The following DLGAP1 variants were observed in gnomAD, a reference collection of about 807,000 sequenced individuals.
DLGAP1 encodes disks large-associated protein 1.
In DLGAP1, 11 loss-of-function variants were observed where a neutral mutation model predicts 90.8. The ratio of observed to expected loss-of-function variants is 0.12; its 90% CI spans 0.08 to 0.20. The LOEUF is 0.20. Ranked by LOEUF, DLGAP1 falls within the 10% of genes least tolerant of loss-of-function variation. The pLI is 1.00. For missense variants in DLGAP1, 1,050 were observed against 1,333.8 expected, an observed-to-expected ratio of 0.79 and a Z score of 3.31; for synonymous variants, 558 against 540.7, an observed-to-expected ratio of 1.03 and a Z score of -0.44.
intron 1 of DLGAP1, among the ~76,000 whole-genome samples, chr18:4,310,972 T>A (rs2080384771): frequency 6.6e-6 from 1 of 152,206 alleles, no homozygotes; most frequent in Non-Finnish European, 1.5e-5. Context: ...CTGCTGGGTT[T>A]GATTCTTTCA....
intron 1 of DLGAP1, among the ~76,000 whole-genome samples, chr18:4,197,797 G>T (rs1393760494): frequency 6.6e-6 from 1 of 152,178 alleles, no homozygotes; most frequent in African/African-American, 2.4e-5. Flanking sequence ...CCCCGTGAAT[G>T]TTAGAGATGA....
chr18:3,601,337 C>T (rs1374984378), intron 7 of DLGAP1, among the ~76,000 whole-genome samples: 1 of 151,972 alleles, frequency 6.6e-6, no homozygotes, highest in Non-Finnish European at 1.5e-5. Context: ...CCACCCGCCT[C>T]GGCCTCCCAA....
chr18:3,963,354 T>C (rs865837566), intron 3 of DLGAP1, among the ~76,000 whole-genome samples: 1 of 152,134 alleles, frequency 6.6e-6, no homozygotes, highest in South Asian at 2.1e-4. Context: ...GAGAGCACAG[T>C]TGCTGGGCCT....
chr18:3,776,211 G>A (rs2064932511), intron 5 of DLGAP1, among the ~76,000 whole-genome samples: 1 of 152,158 alleles, frequency 6.6e-6, no homozygotes, highest in Admixed American at 6.5e-5. Context: ...TTCAGAAAGG[G>A]ACTATAGATC....
At position 4,269,333 on chromosome 18, in the gene DLGAP1, CAT is replaced by C. The variant is rs66677805; in HGVS notation, c.-266-118048_-266-118047del. On this transcript the variant is annotated intron_variant, in intron 1 of 12. Coordinates refer to ENST00000315677, the MANE Select transcript of DLGAP1 (RefSeq NM_004746.4). ...TAATATTCATATTATTTTATATATA[CAT>C]ATATATATATATATATATATTTTTT... 6.2e-3 allele frequency among the ~76,000 whole-genome samples: 860 copies of C among 139,714 alleles called. 8 individuals are homozygous for C. Among genetic ancestry groups the C allele is most frequent in the South Asian group, 0.04 (179 of 4,502 alleles). 91.7% of individuals were successfully genotyped at this position (139,714 alleles called of 152,430 possible). A position where few individuals can be genotyped will look rare whatever the true frequency, so the allele number is the denominator to read the frequency against.
chr18:4,339,538 A>G (rs921904175), intron 1 of DLGAP1, among the ~76,000 whole-genome samples: 6 of 152,162 alleles, frequency 3.9e-5, no homozygotes, highest in African/African-American at 9.7e-5. Flanking sequence ...AACTGAGGCC[A>G]CTTATCAATT....
chr18:4,444,889 G>A (rs1210488854), intron 1 of DLGAP1, among the ~76,000 whole-genome samples: 1 of 152,150 alleles, frequency 6.6e-6, no homozygotes. Flanking sequence ...TTATTTTTCA[G>A]ATGAGAAAAC....
chr18:4,152,363 T>G (rs2076689048), intron 1 of DLGAP1, among the ~76,000 whole-genome samples: 1 of 152,176 alleles, frequency 6.6e-6, no homozygotes, highest in Non-Finnish European at 1.5e-5. Context: ...AGAATTATAG[T>G]GCTTAAATGA....
chr18:3,656,988 C>T (rs547903230), intron 7 of DLGAP1, among the ~76,000 whole-genome samples: 56 of 152,108 alleles, frequency 3.7e-4, no homozygotes, highest in South Asian at 8.3e-4. Flanking sequence ...CCTTGTGATC[C>T]GCCCGCCTCA....
At chr18:3,940,624 G>A (rs1159753407) in intron 3 of DLGAP1, among the ~76,000 whole-genome samples, 1 of 152,136 alleles carries the variant, frequency 6.6e-6, no homozygotes, top group Non-Finnish European at 1.5e-5. Flanking sequence ...TAACCACCTA[G>A]TTCAGGTAAA....
intron 3 of DLGAP1, among the ~76,000 whole-genome samples, chr18:3,968,698 C>T (rs1429480919): frequency 6.6e-6 from 1 of 152,032 alleles, no homozygotes; most frequent in East Asian, 1.9e-4. Context: ...TTATTTAGAA[C>T]AAGTGGAGGT....
chr18:4,424,573 T>C lies in DLGAP1; in HGVS notation c.-267+30433A>G, dbSNP rs77810045. ...TTTCAAGGATAAAATTAGTCATTTA[T>C]ATCACAGTCTCTTAAAATTCGTTTT... On this transcript the variant is annotated intron_variant, in intron 1 of 12. Transcript: ENST00000315677. 2.3e-3 allele frequency among the ~76,000 whole-genome samples: 351 copies of C among 152,318 alleles called. 2 individuals carry two copies. In the East Asian group the frequency reaches 0.035, roughly 15 times the overall value.
rs189630987 is a variant in DLGAP1 at position 4,022,184 on chromosome 18, T to C, written c.-158-16983A>G. ...AATGTTCAGAAAACTTTTTTAAACATAGACTTTAGATAAGAAAATTTAAGA... is the reference window on the plus strand; with the variant it reads ...AATGTTCAGAAAACTTTTTTAAACACAGACTTTAGATAAGAAAATTTAAGA... On this transcript the variant is annotated intron_variant, in intron 2 of 12. Coordinates refer to ENST00000315677, the MANE Select transcript of DLGAP1 (RefSeq NM_004746.4). Among the ~76,000 whole-genome samples the C allele has an allele frequency of 3.4e-4, 51 of 152,222 alleles. No homozygotes were observed. The East Asian group carries it at 9.7e-3, about 29-fold the overall frequency.
intron 1 of DLGAP1, among the ~76,000 whole-genome samples, chr18:4,398,090 G>A (rs1171297357): frequency 6.6e-6 from 1 of 152,092 alleles, no homozygotes; most frequent in African/African-American, 2.4e-5. Context: ...AAATACCAAT[G>A]TATATCAAAA....
chr18:3,633,240 A>G (rs1411019455), intron 7 of DLGAP1, among the ~76,000 whole-genome samples: 1 of 152,066 alleles, frequency 6.6e-6, no homozygotes. Context: ...TACTAAAAAT[A>G]CAAAAGAAAA....
intron 3 of DLGAP1, among the ~76,000 whole-genome samples, chr18:3,975,084 A>G (rs1197932585): frequency 6.6e-6 from 1 of 152,112 alleles, no homozygotes; most frequent in African/African-American, 2.4e-5. Context: ...GTTTTGCAAG[A>G]TGAAGATTTC....
intron 7 of DLGAP1, among the ~76,000 whole-genome samples, chr18:3,588,640 CG>C (rs1048969079): frequency 1.8e-4 from 27 of 150,848 alleles, no homozygotes; most frequent in Admixed American, 9.9e-4. Flanking sequence ...ATTAGCCAGG[CG>C]TGGTGGTGTG....
chr18:4,144,735 A>G (rs2076556585), intron 2 of DLGAP1, among the ~76,000 whole-genome samples: 1 of 152,192 alleles, frequency 6.6e-6, no homozygotes, highest in African/African-American at 2.4e-5. Flanking sequence ...TTAACACGGT[A>G]TCATTGTTTC....
chr18:3,844,763 T>TAGTACTTAG (rs2068913762), intron 4 of DLGAP1, among the ~76,000 whole-genome samples: 1 of 152,210 alleles, frequency 6.6e-6, no homozygotes, highest in Non-Finnish European at 1.5e-5. Context: ...TTCTCTAGAA[T>TAGTACTTAG]AACATGTACT....
Sources: allele counts gnomAD v4.1 joint callset (sites outside exome capture counted in the v4.1 genomes callset), GRCh38; gene constraint gnomAD v4.1.1; transcripts MANE v1.5; gene names NCBI Gene and HGNC (gene_info 2026-07-23, HGNC 2026-07-21).